TXLNG: variants seen among roughly 807,000 people sequenced by gnomAD.
TXLNG encodes the protein taxilin gamma.
A neutral mutation model predicts 38.8 loss-of-function variants in TXLNG; 5 were observed. That is an observed-to-expected ratio of 0.13 (90% CI 0.07 to 0.27). The LOEUF (loss-of-function observed/expected upper bound fraction) is 0.27, where lower values mean the gene tolerates loss of function less well. Among genes scored for constraint, TXLNG ranks in the 10% least tolerant of loss-of-function variants. The pLI is 1.00. For synonymous variants in TXLNG, 182 were observed against 158.2 expected (o/e 1.15, Z -1.13); for missense variants, 393 against 398.2 (o/e 0.99, Z 0.11).
At chrX:16,821,409 C>G (rs372693836) in intron 3 of TXLNG, among the ~76,000 whole-genome samples, 228 of 111,053 alleles carry the variant, frequency 2.1e-3, no homozygotes, top group African/African-American at 7.1e-3. Flanking sequence ...AAAGTTCTGG[C>G]ATTACAGGCA....
At chrX:16,805,569 CT>C in intron 1 of TXLNG, among the ~76,000 whole-genome samples, 1 of 112,466 alleles carries the variant, frequency 8.9e-6, no homozygotes. Context: ...CAGGATACCC[CT>C]TTGTTCCCCC....
chrX:16,819,001 G>A (rs1021227977), intron 2 of TXLNG, 124 bp downstream of exon 2: 5 of 687,481 alleles, frequency 7.3e-6, no homozygotes, highest in South Asian at 3.3e-5. Flanking sequence ...TAGTGTCTTC[G>A]GTGAGGTCAG....
chrX:16,804,502 A>G (rs1049598191), intron 1 of TXLNG, among the ~76,000 whole-genome samples: 1 of 91,653 alleles, frequency 1.1e-5, no homozygotes, highest in Non-Finnish European at 2.2e-5. Flanking sequence ...AGAGCCCCCC[A>G]CCCCCCGCCA....
At chrX:16,809,657 C>G (rs934627246) in intron 1 of TXLNG, among the ~76,000 whole-genome samples, 2 of 110,704 alleles carry the variant, frequency 1.8e-5, no homozygotes, top group Admixed American at 1.9e-4. Flanking sequence ...ATATTTTCTT[C>G]CAGTATTTTC....
intron 1 of TXLNG, among the ~76,000 whole-genome samples, chrX:16,788,615 C>T (rs1370174715): frequency 2.7e-5 from 3 of 109,703 alleles, no homozygotes; most frequent in African/African-American, 1.0e-4. Context: ...GGAGGCTAGC[C>T]TGGGCCGCAG....
At chrX:16,803,876 C>T (rs377090631) in intron 1 of TXLNG, among the ~76,000 whole-genome samples, 4 of 109,406 alleles carry the variant, frequency 3.7e-5, no homozygotes, top group South Asian at 4.0e-4. Context: ...CGCTTGAACC[C>T]GGGAGGCGGA....
At chrX:16,827,157 A>C (rs1342962422) in intron 3 of TXLNG, among the ~76,000 whole-genome samples, 2 of 111,053 alleles carry the variant, frequency 1.8e-5, no homozygotes, top group Non-Finnish European at 3.8e-5. Flanking sequence ...TGAACCCGGG[A>C]GGTGGAGGCT....
At position 16,843,061 on chromosome X, in the gene TXLNG, T is replaced by G. The variant is rs746978919; in HGVS notation, c.*1295T>G. On this transcript the variant is annotated 3_prime_UTR_variant, in exon 10 of 10. Transcript: ENST00000380122. The stretch of plus-strand genomic sequence containing the variant: ...CAGATGATTAATCAGGCTGCACTGA[T>G]GGAAGTTTTGACTTTGTCCCTGGTA... The G allele has an allele frequency of 1.2e-4, 14 of 112,598 alleles. No individual in the cohort carries two copies. Among genetic ancestry groups the G allele is most frequent in the Non-Finnish European group, 2.2e-4 (12 of 53,356 alleles). 9.3% of individuals were successfully genotyped at this position (112,598 alleles called of 1,213,427 possible). A position where few individuals can be genotyped will look rare whatever the true frequency, so the allele number is the denominator to read the frequency against.
In TXLNG at chrX:16,811,318, C is replaced by A. The variant is rs1017544286; in HGVS notation, c.103-7256C>A. Among the ~76,000 whole-genome samples the A allele has an allele frequency of 5.4e-5, 6 of 111,697 alleles. No individual in the cohort carries two copies. In the Middle Eastern group the frequency reaches 0.018, roughly 343 times the overall value. ...ATATTCTTCTTTATGCCATATGACA[C>A]CACCTATTATTCTGCATTACACAAT... On this transcript the variant is annotated intron_variant, in intron 1 of 9. Coordinates refer to ENST00000380122, the MANE Select transcript of TXLNG (RefSeq NM_018360.3).
rs963787231 is a variant in TXLNG at position 16,842,157 on chromosome X, C to G, written c.*391C>G. ...ATTAATTTAAACGTCTTAGCCCCCC[C>G]CCCCATAATATTATTCAGAAAAACA... On this transcript the variant is annotated 3_prime_UTR_variant, in exon 10 of 10. Coordinates refer to ENST00000380122, the MANE Select transcript of TXLNG (RefSeq NM_018360.3). 9.0e-6 allele frequency: 1 copy of G among 111,258 alleles called. No individual in the cohort carries two copies. Among genetic ancestry groups the G allele is most frequent in the Non-Finnish European group, 1.8e-5 (1 of 56,071 alleles). The allele number at this position is 111,258 out of a possible 1,213,427, so 9.2% of individuals were successfully genotyped here. A position where few individuals can be genotyped will look rare whatever the true frequency, so the allele number is the denominator to read the frequency against.
chrX:16,828,396 C>A, intron 4 of TXLNG, 132 bp downstream of exon 4: 1 of 639,102 alleles, frequency 1.6e-6, no homozygotes, highest in Non-Finnish European at 2.3e-6. Context: ...TTTTGCTTGG[C>A]CTGATGCCTT....
At position 16,844,376 on chromosome X, in the gene TXLNG, A is replaced by C. The variant is rs1408337579; in HGVS notation, c.*2610A>C. 1 of 112,374 alleles carries C rather than the reference A, an allele frequency of 8.9e-6. No homozygotes were observed. Among genetic ancestry groups the C allele is most frequent in the African/African-American group, 3.2e-5 (1 of 30,904 alleles). 9.3% of individuals were successfully genotyped at this position (112,374 alleles called of 1,213,427 possible). On this transcript the variant is annotated 3_prime_UTR_variant, in exon 10 of 10. Transcript: ENST00000380122. ...ACACACTGCTTTATTTTTACAGCCC[A>C]CGTCTTTCATGAGGATACGAATTGT...
In TXLNG at chrX:16,844,013, A is replaced by C. The variant is rs1406667401; in HGVS notation, c.*2247A>C. 1 of 111,686 alleles carries C rather than the reference A, an allele frequency of 9.0e-6. No individual in the cohort carries two copies. Among genetic ancestry groups the C allele is most frequent in the East Asian group, 2.8e-4 (1 of 3,577 alleles). The allele number at this position is 111,686 out of a possible 1,213,427, so 9.2% of individuals were successfully genotyped here. ...TATTCTAGAACACTGTAATGCTACTAGGCTGGCCCAGAAAAGGTTTAAATG... is the reference window on the plus strand; with the variant it reads ...TATTCTAGAACACTGTAATGCTACTCGGCTGGCCCAGAAAAGGTTTAAATG... On this transcript the variant is annotated 3_prime_UTR_variant, in exon 10 of 10. Coordinates refer to ENST00000380122, the MANE Select transcript of TXLNG (RefSeq NM_018360.3).
chrX:16,825,803 A>G (rs1302450747), intron 3 of TXLNG, among the ~76,000 whole-genome samples: 1 of 112,122 alleles, frequency 8.9e-6, no homozygotes, highest in African/African-American at 3.2e-5. Context: ...GACAGAGACC[A>G]TATGTGGCCT....
chrX:16,816,413 T>C (rs762827119), intron 1 of TXLNG, among the ~76,000 whole-genome samples: 1 of 113,013 alleles, frequency 8.8e-6, no homozygotes, highest in African/African-American at 3.2e-5. Context: ...TTGCCCAGGC[T>C]GTCCTCAAAC....
At chrX:16,828,051 T>C in intron 3 of TXLNG, 43 bp from the exon 4 acceptor site, 1 of 1,133,727 alleles carries the variant, frequency 8.8e-7, no homozygotes, top group Non-Finnish European at 1.2e-6. Context: ...AACTGTAAGA[T>C]TTTTACTGTA....
At chrX:16,819,236 C>T (rs1054864892) in intron 2 of TXLNG, among the ~76,000 whole-genome samples, 18 of 110,560 alleles carry the variant, frequency 1.6e-4, no homozygotes, top group African/African-American at 4.9e-4. Context: ...CCACTGTGCC[C>T]GGCCACATTG....
chrX:16,788,647 AAAAC>A (rs1333652291), intron 1 of TXLNG, among the ~76,000 whole-genome samples: 1 of 106,216 alleles, frequency 9.4e-6, no homozygotes, highest in African/African-American at 3.4e-5. Context: ...GTCTCTTAAA[AAAAC>A]AAACAAACTT....
chrX:16,829,586 T>C lies in TXLNG; in HGVS notation c.680T>C (p.Met227Thr), dbSNP rs1288710159. 3 of 1,208,973 alleles carry C rather than the reference T, an allele frequency of 2.5e-6. No homozygotes were observed. Among genetic ancestry groups the C allele is most frequent in the Admixed American group, 2.2e-5 (1 of 45,547 alleles). Residue 227 changes from methionine (M) to threonine (T), a missense_variant, in exon 5 of 10, where the codon ATG (methionine) becomes ACG (threonine). Coordinates refer to ENST00000380122, the MANE Select transcript of TXLNG (RefSeq NM_018360.3). ...RHNKTLKEEN[M>T]QQAREEEERR... ...ATTTTGGGTAATAAGGAGGAAAATA[T>C]GCAGCAGGCACGAGAGGAAGAAGAA...
Sources: gnomAD v4.1 joint callset for allele counts (sites outside exome capture counted in the v4.1 genomes callset) on GRCh38, gnomAD v4.1.1 for gene constraint, MANE v1.5 for transcripts, NCBI Gene and HGNC (gene_info 2026-07-23, HGNC 2026-07-21) for gene names.